The following MGAT4A variants were observed in gnomAD, a reference collection of about 807,000 sequenced individuals.
MGAT4A encodes alpha-1,3-mannosyl-glycoprotein 4-beta-N-acetylglucosaminyltransferase A, also known as N-acetylglucosaminyltransferase IVa.
MGAT4A carries 33 observed loss-of-function variants against 74.1 expected under a neutral mutation model. The ratio of observed to expected loss-of-function variants is 0.45; its 90% CI spans 0.34 to 0.60. The LOEUF (loss-of-function observed/expected upper bound fraction) is 0.60. MGAT4A is among the 20% of genes least tolerant of loss of function. The pLI is 0.02. For synonymous variants in MGAT4A, 198 were observed against 210.4 expected (o/e 0.94, Z 0.51); for missense variants, 479 against 628.3 (o/e 0.76, Z 2.54).
At chr2:98,674,041 TAAG>T (rs1437531664) in intron 4 of MGAT4A, among the ~76,000 whole-genome samples, 24 of 152,258 alleles carry the variant, frequency 1.6e-4, no homozygotes, top group African/African-American at 5.1e-4. Flanking sequence ...TCCACCTCCT[TAAG>T]AAGGAAGGTA....
At chr2:98,633,276 C>T (rs1701269255) in intron 14 of MGAT4A, among the ~76,000 whole-genome samples, 1 of 152,152 alleles carries the variant, frequency 6.6e-6, no homozygotes, top group African/African-American at 2.4e-5. Context: ...TGCCACAGCC[C>T]TAGACTAGAA....
chr2:98,731,111 TGCCGCCGCCGCTGCGG>T lies in MGAT4A; in HGVS notation c.-315_-300del. The T allele has an allele frequency of 1.5e-5, 1 of 68,138 alleles. No homozygotes were observed. The highest frequency in any genetic ancestry group is 2.5e-5 in the Non-Finnish European group (1 of 40,438). The allele number at this position is 68,138 out of a possible 1,614,324, so 4.2% of individuals were successfully genotyped here. A position where few individuals can be genotyped will look rare whatever the true frequency, so the allele number is the denominator to read the frequency against. On this transcript the variant is annotated 5_prime_UTR_variant, in exon 1 of 16. Coordinates refer to ENST00000393487, the MANE Select transcript of MGAT4A (RefSeq NM_012214.3). The surrounding 1 kb of genome is among the most constrained non-coding windows in gnomAD (Gnocchi z 4.8). ...GAGCTGCTGTAGCCGCCGCCGCCGCTGCCGCCGCCGCTGCGGGCCGCCCCGCCCGCCCCGCCGGCTC... is the reference window on the plus strand; with the variant it reads ...GAGCTGCTGTAGCCGCCGCCGCCGCTGCCGCCCCGCCCGCCCCGCCGGCTC...
chr2:98,692,319 G>A (rs1702207135), intron 2 of MGAT4A, among the ~76,000 whole-genome samples: 3 of 152,058 alleles, frequency 2.0e-5, no homozygotes, highest in Admixed American at 6.5e-5. Context: ...GCCCAGGCTG[G>A]TCTTGAACTC....
At chr2:98,722,948 G>C (rs531315729) in intron 2 of MGAT4A, among the ~76,000 whole-genome samples, 1 of 152,104 alleles carries the variant, frequency 6.6e-6, no homozygotes, top group Non-Finnish European at 1.5e-5. Flanking sequence ...AGACAGACAC[G>C]TAACTACTCC....
rs1701043208 is a variant in MGAT4A, at chr2:98,620,351, AAGGG to A, written c.*5211_*5214del. ...AACTTGGAAAAGTTCCTTTTCTATA[AAGGG>A]ATTGGACTGGATAAAGTTCCCTTAA... On this transcript the variant is annotated 3_prime_UTR_variant, in exon 16 of 16. Coordinates refer to ENST00000393487, the MANE Select transcript of MGAT4A (RefSeq NM_012214.3). The A allele has an allele frequency of 2.0e-5, 3 of 152,196 alleles. No homozygotes were observed. Among genetic ancestry groups the A allele is most frequent in the Non-Finnish European group, 2.9e-5 (2 of 68,024 alleles). 9.4% of individuals were successfully genotyped at this position (152,196 alleles called of 1,614,324 possible). A position where few individuals can be genotyped will look rare whatever the true frequency, so the allele number is the denominator to read the frequency against.
chr2:98,678,286 A>T lies in MGAT4A; in HGVS notation c.262+18T>A. The T allele has an allele frequency of 8.9e-7, 1 of 1,125,604 alleles. No individual in the cohort carries two copies. The highest frequency in any genetic ancestry group is 1.2e-6 in the Non-Finnish European group (1 of 864,746). 69.7% of individuals were successfully genotyped at this position (1,125,604 alleles called of 1,614,324 possible). A position where few individuals can be genotyped will look rare whatever the true frequency, so the allele number is the denominator to read the frequency against. On this transcript the variant is annotated intron_variant, in intron 3 of 15. Coordinates refer to ENST00000393487, the MANE Select transcript of MGAT4A (RefSeq NM_012214.3). ...TATATATAAAATCTTTTTATAATAT[A>T]AAAAATACTGTTTGTACCTGAAAAC...
chr2:98,729,192 T>C lies in MGAT4A; in HGVS notation c.-236+1856A>G, dbSNP rs545934309. On this transcript the variant is annotated intron_variant, in intron 1 of 15. Coordinates refer to ENST00000393487, the MANE Select transcript of MGAT4A (RefSeq NM_012214.3). ...GAAAAAAAAAAAATACTGGATCCAG[T>C]AAGTTATGAAACTCTGAAGATACTT... is the stretch of plus-strand genomic sequence containing the variant. 2.0e-5 allele frequency among the ~76,000 whole-genome samples: 3 copies of C among 151,916 alleles called. No homozygotes were observed. The South Asian group carries it at 6.2e-4, about 31-fold the overall frequency.
Position 98,625,847 on chromosome 2 carries a change from A to T in MGAT4A, c.1469-12T>A. The T allele has an allele frequency of 6.3e-7, 1 of 1,583,130 alleles. No homozygotes were observed. The highest frequency in any genetic ancestry group is 1.3e-5 in the African/African-American group (1 of 74,424). ...ATTCTCAAATTTTCCTTCAAAATAAAAATCAATACTTGTTGGATACACCGA... is the reference window on the plus strand; with the variant it reads ...ATTCTCAAATTTTCCTTCAAAATAATAATCAATACTTGTTGGATACACCGA... On this transcript the variant is annotated splice_polypyrimidine_tract_variant and intron_variant, in intron 14 of 15. Coordinates refer to ENST00000393487, the MANE Select transcript of MGAT4A (RefSeq NM_012214.3).
intron 14 of MGAT4A, among the ~76,000 whole-genome samples, chr2:98,630,540 T>C (rs975664538): frequency 6.6e-6 from 1 of 152,144 alleles, no homozygotes; most frequent in Admixed American, 6.5e-5. Context: ...AATTGGCACA[T>C]CTTAAGCTGG....
chr2:98,725,031 T>C (rs149473466), intron 2 of MGAT4A, among the ~76,000 whole-genome samples: 1 of 152,316 alleles, frequency 6.6e-6, no homozygotes, highest in East Asian at 1.9e-4. Context: ...GCCGAGGTCT[T>C]GCCACTGCAC....
At chr2:98,702,538 C>T (rs908234599) in intron 2 of MGAT4A, among the ~76,000 whole-genome samples, 33 of 152,316 alleles carry the variant, frequency 2.2e-4, no homozygotes, top group African/African-American at 7.5e-4. Flanking sequence ...CCATGCACAC[C>T]TGGTCATTAG....
chr2:98,667,355 A>C (rs1019754805), intron 4 of MGAT4A, among the ~76,000 whole-genome samples: 2 of 152,238 alleles, frequency 1.3e-5, no homozygotes, highest in African/African-American at 4.8e-5. Context: ...TAACAGGCAG[A>C]GGCTGGAACA....
intron 2 of MGAT4A, among the ~76,000 whole-genome samples, chr2:98,689,949 T>C (rs1186813424): frequency 6.6e-6 from 1 of 151,828 alleles, no homozygotes; most frequent in South Asian, 2.1e-4. Flanking sequence ...TCTTTCTGCC[T>C]CATATATCCT....
intron 2 of MGAT4A, among the ~76,000 whole-genome samples, chr2:98,724,687 A>C (rs150238295): frequency 6.6e-5 from 10 of 152,276 alleles, no homozygotes; most frequent in African/African-American, 1.9e-4. Flanking sequence ...GAAACAAGGA[A>C]AATTAAATGG....
intron 3 of MGAT4A, 99 bp from the exon 4 acceptor site, chr2:98,675,274 G>T: frequency 3.5e-6 from 3 of 851,406 alleles, no homozygotes; most frequent in South Asian, 1.9e-5. Context: ...TAGAACTAAA[G>T]AATTTTCTTT....
Position 98,619,972 on chromosome 2 carries a change from A to G in MGAT4A, c.*5594T>C, listed in dbSNP as rs1294186751. On this transcript the variant is annotated 3_prime_UTR_variant, in exon 16 of 16. Coordinates refer to ENST00000393487, the MANE Select transcript of MGAT4A (RefSeq NM_012214.3). ...CTTCGCGCAAAGTGCTTTCCCATCA[A>G]TGCTCAGTTTACTTTCTTGAATGAG... 6.6e-6 allele frequency: 1 copy of G among 152,196 alleles called. No individual in the cohort carries two copies. The highest frequency in any genetic ancestry group is 1.5e-5 in the Non-Finnish European group (1 of 68,036). The allele number at this position is 152,196 out of a possible 1,614,324, so 9.4% of individuals were successfully genotyped here.
intron 8 of MGAT4A, among the ~76,000 whole-genome samples, chr2:98,650,769 G>A (rs960043231): frequency 4.6e-5 from 7 of 152,154 alleles, no homozygotes; most frequent in Non-Finnish European, 8.8e-5. Context: ...TGAACAACGC[G>A]GTGAAACCCC....
intron 2 of MGAT4A, among the ~76,000 whole-genome samples, chr2:98,709,296 C>G (rs1559174306): frequency 6.6e-6 from 1 of 152,104 alleles, no homozygotes. Flanking sequence ...GAAATGACAG[C>G]ACCATACAGC....
intron 8 of MGAT4A, among the ~76,000 whole-genome samples, chr2:98,650,822 G>A (rs1701565070): frequency 6.6e-6 from 1 of 152,014 alleles, no homozygotes; most frequent in Admixed American, 6.6e-5. Flanking sequence ...GTGGTGGTGG[G>A]CACCTGTAAC....
Sources: allele counts gnomAD v4.1 joint callset (sites outside exome capture counted in the v4.1 genomes callset), GRCh38; gene constraint gnomAD v4.1.1; non-coding constraint Gnocchi (gnomAD v3.1); transcripts MANE v1.5; gene names NCBI Gene and HGNC (gene_info 2026-07-23, HGNC 2026-07-21).